Variants in CDH12 observed in about 807,000 individuals in gnomAD.
CDH12 encodes the protein cadherin 12.
A neutral mutation model predicts 74.1 loss-of-function variants in CDH12; 41 were observed. The observed-to-expected ratio is 0.55, with a 90% CI of 0.43 to 0.72. The LOEUF is 0.72. CDH12 is among the 30% of genes least tolerant of loss of function. The pLI is 0.00. For missense variants in CDH12, 945 were observed against 977.2 expected (o/e 0.97, Z 0.44); for synonymous variants, 399 against 355.0 (o/e 1.12, Z -1.39).
chr5:22,584,078 C>T (rs1437734586), intron 1 of CDH12, among the ~76,000 whole-genome samples: 1 of 111,256 alleles, frequency 9.0e-6, no homozygotes, highest in African/African-American at 3.6e-5. Context: ...ATATTGTTTG[C>T]GGAATTTATT....
intron 5 of CDH12, among the ~76,000 whole-genome samples, chr5:22,042,158 G>T (rs946671492): frequency 2.0e-5 from 3 of 151,720 alleles, no homozygotes; most frequent in Non-Finnish European, 4.4e-5. Context: ...TCAAAAGCAG[G>T]ATTCAGAGGA....
chr5:22,122,209 C>G (rs1745557150), intron 4 of CDH12, among the ~76,000 whole-genome samples: 1 of 152,054 alleles, frequency 6.6e-6, no homozygotes, highest in South Asian at 2.1e-4. Flanking sequence ...TCAAGACCGG[C>G]CTGGCCAACA....
At chr5:22,006,723 A>G (rs1736985249) in intron 5 of CDH12, among the ~76,000 whole-genome samples, 1 of 151,996 alleles carries the variant, frequency 6.6e-6, no homozygotes, top group Non-Finnish European at 1.5e-5. Context: ...TATCTTCTCT[A>G]TTTCTCAGGG....
intron 1 of CDH12, among the ~76,000 whole-genome samples, chr5:22,606,451 T>C (rs938570763): frequency 6.6e-6 from 1 of 152,178 alleles, no homozygotes; most frequent in African/African-American, 2.4e-5. Context: ...GTGGAGATAA[T>C]TGAATCATGG....
intron 4 of CDH12, among the ~76,000 whole-genome samples, chr5:22,092,830 C>A (rs147920093): frequency 6.6e-6 from 1 of 151,918 alleles, no homozygotes; most frequent in African/African-American, 2.4e-5. Flanking sequence ...TAATCATAGC[C>A]GAACAGTGGA....
intron 1 of CDH12, among the ~76,000 whole-genome samples, chr5:22,630,732 G>T (rs1349717523): frequency 6.6e-6 from 1 of 152,096 alleles, no homozygotes; most frequent in Admixed American, 6.6e-5. Context: ...CCCTGTCAAA[G>T]ATTTCATGAC....
chr5:22,530,628 A>C (rs1338522132), intron 1 of CDH12, among the ~76,000 whole-genome samples: 3 of 152,064 alleles, frequency 2.0e-5, no homozygotes, highest in African/African-American at 7.2e-5. Context: ...AAATCATCTT[A>C]AAACTAACAT....
Position 21,936,725 on chromosome 5 carries a change from G to A in CDH12, c.526+38366C>T, listed in dbSNP as rs565259790. On this transcript the variant is annotated intron_variant, in intron 6 of 14. Transcript: ENST00000382254. ...TCAACTCGAATTGTAATCCCCATGTGTCATGGGGAGGGACCTGGTGGGAGG... is the reference window on the plus strand; with the variant it reads ...TCAACTCGAATTGTAATCCCCATGTATCATGGGGAGGGACCTGGTGGGAGG... 2.6e-5 allele frequency among the ~76,000 whole-genome samples: 4 copies of A among 152,246 alleles called. No homozygotes were observed. In the South Asian group the frequency reaches 6.2e-4, roughly 24 times the overall value.
chr5:22,556,069 AT>A (rs1199596079), intron 1 of CDH12, among the ~76,000 whole-genome samples: 3 of 150,690 alleles, frequency 2.0e-5, no homozygotes, highest in Admixed American at 6.7e-5. Flanking sequence ...AAAAAAAAAA[AT>A]TTCAAAGAAT....
intron 1 of CDH12, among the ~76,000 whole-genome samples, chr5:22,825,988 G>A (rs575817585): frequency 6.6e-6 from 1 of 152,272 alleles, no homozygotes; most frequent in East Asian, 1.9e-4. Flanking sequence ...AAGCATATAA[G>A]TTCTAGCAAG....
At chr5:22,705,060 C>A (rs576793028) in intron 1 of CDH12, among the ~76,000 whole-genome samples, 2 of 147,648 alleles carry the variant, frequency 1.4e-5, no homozygotes, top group African/African-American at 5.0e-5. Flanking sequence ...ATATAATGTG[C>A]GTGTTTGTGG....
chr5:22,622,183 T>G (rs1246252259), intron 1 of CDH12, among the ~76,000 whole-genome samples: 1 of 152,176 alleles, frequency 6.6e-6, no homozygotes, highest in East Asian at 1.9e-4. Context: ...ATGGACTTAC[T>G]AGACAAAGTT....
intron 6 of CDH12, among the ~76,000 whole-genome samples, chr5:21,891,102 A>G (rs1217327457): frequency 6.6e-6 from 1 of 152,074 alleles, no homozygotes; most frequent in Admixed American, 6.6e-5. Context: ...GACCCACCAG[A>G]TCTATCCTGA....
chr5:22,458,246 A>G (rs1261251), intron 2 of CDH12, among the ~76,000 whole-genome samples: 71,120 of 151,974 alleles, frequency 0.47, 17,073 homozygotes, highest in Admixed American at 0.64. Context: ...TGGTAGATGC[A>G]TAACTCCAAT....
intron 9 of CDH12, among the ~76,000 whole-genome samples, chr5:21,811,134 T>C (rs987614031): frequency 6.6e-6 from 1 of 152,092 alleles, no homozygotes; most frequent in Non-Finnish European, 1.5e-5. Flanking sequence ...TTATGTTAAT[T>C]TGAAATAAAC....
At chr5:22,557,202 C>T (rs1026275079) in intron 1 of CDH12, among the ~76,000 whole-genome samples, 4 of 152,042 alleles carry the variant, frequency 2.6e-5, no homozygotes, top group South Asian at 2.1e-4. Context: ...TAAATACATA[C>T]GTTTTCACAT....
intron 5 of CDH12, among the ~76,000 whole-genome samples, chr5:22,042,129 C>T (rs930330361): frequency 6.6e-6 from 1 of 151,518 alleles, no homozygotes; most frequent in Non-Finnish European, 1.5e-5. Context: ...CGACAATATA[C>T]CAAAACTTAC....
At chr5:22,290,394 G>C (rs1252651856) in intron 3 of CDH12, among the ~76,000 whole-genome samples, 1 of 152,110 alleles carries the variant, frequency 6.6e-6, no homozygotes, top group Admixed American at 6.5e-5. Context: ...CCATTCAATG[G>C]AATGAGGAAA....
At chr5:22,240,913 G>A (rs527361056) in intron 3 of CDH12, among the ~76,000 whole-genome samples, 2 of 152,156 alleles carry the variant, frequency 1.3e-5, no homozygotes, top group East Asian at 3.9e-4. Context: ...AGAAGAAAAA[G>A]CAGAAGACAG....
Sources: allele counts gnomAD v4.1 joint callset (sites outside exome capture counted in the v4.1 genomes callset), GRCh38; gene constraint gnomAD v4.1.1; transcripts MANE v1.5; gene names NCBI Gene and HGNC (gene_info 2026-07-23, HGNC 2026-07-21).